The following SLC20A2 variants were observed in gnomAD, a reference collection of about 807,000 sequenced individuals.
SLC20A2 encodes solute carrier family 20 member 2, also known as sodium-dependent phosphate transporter 2.
In SLC20A2, 30 loss-of-function variants were observed where a neutral mutation model predicts 61.0. The observed-to-expected ratio is 0.49, with a 90% CI of 0.37 to 0.67. The LOEUF is 0.67. Ranked by LOEUF, SLC20A2 falls within the 30% of genes least tolerant of loss-of-function variation. The probability of loss-of-function intolerance (pLI) is 0.00; values close to 1 mark genes in which losing one functional copy is unlikely to be tolerated. For synonymous variants in SLC20A2, 351 were observed against 353.3 expected, an observed-to-expected ratio of 0.99 and a Z score of 0.07; for missense variants, 626 against 866.4, an observed-to-expected ratio of 0.72 and a Z score of 3.48.
At chr8:42,490,290 C>T (rs995752577) in intron 1 of SLC20A2, among the ~76,000 whole-genome samples, 48 of 152,242 alleles carry the variant, frequency 3.2e-4, no homozygotes, top group African/African-American at 1.1e-3. Context: ...GCTTTTGAGT[C>T]TTTTCAAGTA....
chr8:42,523,399 CAG>C (rs1811721278), intron 1 of SLC20A2, among the ~76,000 whole-genome samples: 1 of 151,920 alleles, frequency 6.6e-6, no homozygotes, highest in Non-Finnish European at 1.5e-5. Context: ...TGTGAACAAA[CAG>C]AGGCTATTAT....
chr8:42,471,651 T>C (rs1227570983), intron 2 of SLC20A2, among the ~76,000 whole-genome samples: 1 of 152,184 alleles, frequency 6.6e-6, no homozygotes, highest in African/African-American at 2.4e-5. Flanking sequence ...GACTAATAAA[T>C]ATTATTTTTG....
At chr8:42,457,404 C>T (rs984815364) in intron 5 of SLC20A2, among the ~76,000 whole-genome samples, 1 of 152,144 alleles carries the variant, frequency 6.6e-6, no homozygotes, top group African/African-American at 2.4e-5. Context: ...TTTCCTAGAA[C>T]CTAAAGCAGC....
At chr8:42,541,659 C>A (rs973950918) in intron 1 of SLC20A2, 6 of 149,850 alleles carry the variant, frequency 4.0e-5, no homozygotes, top group Non-Finnish European at 8.9e-5. Flanking sequence ...GTAAAGAGCC[C>A]CGGAGCGGAG....
intron 8 of SLC20A2, among the ~76,000 whole-genome samples, chr8:42,433,726 AT>A (rs1804036371): frequency 6.6e-6 from 1 of 152,236 alleles, no homozygotes; most frequent in African/African-American, 2.4e-5. Flanking sequence ...ATTCCAGTGT[AT>A]GCATGGACAT....
intron 1 of SLC20A2, among the ~76,000 whole-genome samples, chr8:42,534,057 T>G (rs189753097): frequency 1.5e-3 from 221 of 152,186 alleles, no homozygotes; most frequent in African/African-American, 5.0e-3. Context: ...GGCTCATGCC[T>G]GTAATCCCAA....
intron 1 of SLC20A2, among the ~76,000 whole-genome samples, chr8:42,522,664 G>C (rs1013587077): frequency 5.4e-5 from 6 of 110,706 alleles, no homozygotes; most frequent in African/African-American, 1.6e-4. Context: ...CTGGGCGACA[G>C]AGCAGGACTC....
At position 42,431,559 on chromosome 8, in the gene SLC20A2, G is replaced by A. The variant is rs183200111; in HGVS notation, c.1524-1310C>T. ...AGAAGATCCATCTAAGATCACTGAT[G>A]AAGGTGGCTACACTAACAATAGATT... On this transcript the variant is annotated intron_variant, in intron 8 of 10. Transcript: ENST00000520262. Among the ~76,000 whole-genome samples the A allele has an allele frequency of 2.1e-3, 314 of 152,336 alleles. 1 individual carries two copies. Among genetic ancestry groups the A allele is most frequent in the African/African-American group, 7.4e-3 (307 of 41,574 alleles).
chr8:42,485,642 CAAAAAAAAAA>C (rs941111189), intron 1 of SLC20A2, among the ~76,000 whole-genome samples: 1 of 27,846 alleles, frequency 3.6e-5, no homozygotes, highest in Non-Finnish European at 6.7e-5. Context: ...AACTCCGTCT[CAAAAAAAAAA>C]AAAAAAAAAA....
intron 1 of SLC20A2, among the ~76,000 whole-genome samples, chr8:42,498,394 T>C (rs1404057718): frequency 6.6e-6 from 1 of 152,232 alleles, no homozygotes; most frequent in Non-Finnish European, 1.5e-5. Flanking sequence ...AGCTGAATGC[T>C]GAAGTATCCT....
In SLC20A2 at chr8:42,476,121, A is replaced by G. The variant is rs1455177076; in HGVS notation, c.-264-3467T>C. 3.1e-5 allele frequency among the ~76,000 whole-genome samples: 4 copies of G among 129,434 alleles called. No individual in the cohort carries two copies. The Admixed American group carries it at 3.4e-4, about 11-fold the overall frequency. The allele number at this position is 129,434 out of a possible 152,430, so 84.9% of individuals were successfully genotyped here. A position where few individuals can be genotyped will look rare whatever the true frequency, so the allele number is the denominator to read the frequency against. ...TTTTTTTTTTTTTTTTTTTGACACG[A>G]AATCTCGCTCTGTCGCCCAGGCTGG... On this transcript the variant is annotated intron_variant, in intron 1 of 10. Transcript: ENST00000520262.
At chr8:42,494,126 T>G (rs1046384880) in intron 1 of SLC20A2, among the ~76,000 whole-genome samples, 1 of 152,140 alleles carries the variant, frequency 6.6e-6, no homozygotes, top group Non-Finnish European at 1.5e-5. Flanking sequence ...TGGATGACAG[T>G]GAGACCCTGT....
At chr8:42,433,332 C>T (rs1351414998) in intron 8 of SLC20A2, among the ~76,000 whole-genome samples, 1 of 151,386 alleles carries the variant, frequency 6.6e-6, no homozygotes, top group Non-Finnish European at 1.5e-5. Context: ...GAGTATTTAT[C>T]TTTTTTTTTG....
chr8:42,437,105 G>T lies in SLC20A2; in HGVS notation c.1407C>A (p.Asp469Glu), dbSNP rs763824699. The change falls in exon 8 of 11, where the codon GAC (aspartate) becomes GAA (glutamate). Residue 469 changes from aspartate to glutamate, a missense_variant. Around this residue, in one of 3 missense-constraint regions of SLC20A2, gnomAD observed 361 missense variants for 422.3 expected, o/e 0.85. Coordinates refer to ENST00000520262, the MANE Select transcript of SLC20A2 (RefSeq NM_001257180.2). This position sits in a 1 kb window ranked among gnomAD's most constrained non-coding sequence, Gnocchi z 6.4. ...ELADPDQPRE[D>E]PAEEEKEEKD... ...TCTCCTCCTTCTCCTCCTCTGCAGG[G>T]TCCTCTCGCGGCTGGTCAGGGTCGG... is the stretch of plus-strand genomic sequence containing the variant. 6.2e-7 allele frequency: 1 copy of T among 1,613,998 alleles called. No individual in the cohort carries two copies. Among genetic ancestry groups the T allele is most frequent in the Non-Finnish European group, 8.5e-7 (1 of 1,179,990 alleles).
chr8:42,502,220 C>T (rs891865890), upstream of SLC20A2: 1 of 151,928 alleles, frequency 6.6e-6, no homozygotes, highest in African/African-American at 2.4e-5. Context: ...ACGACTTCAA[C>T]CAACCCTGGA....
chr8:42,438,075 A>AAAAC (rs1804471041), intron 7 of SLC20A2, among the ~76,000 whole-genome samples: 9 of 144,338 alleles, frequency 6.2e-5, no homozygotes, highest in Non-Finnish European at 1.4e-4. Context: ...AAAAAAAAAA[A>AAAAC]AAAAAAAAAA....
At chr8:42,469,827 C>T (rs1161717389) in intron 2 of SLC20A2, among the ~76,000 whole-genome samples, 3 of 151,480 alleles carry the variant, frequency 2.0e-5, no homozygotes, top group African/African-American at 4.9e-5. Flanking sequence ...ACTTAGGAGG[C>T]TGAGGCAGGA....
chr8:42,477,033 TA>T (rs1808168661), intron 1 of SLC20A2, among the ~76,000 whole-genome samples: 1 of 152,230 alleles, frequency 6.6e-6, no homozygotes, highest in African/African-American at 2.4e-5. Context: ...TGGTGACTGT[TA>T]CCATTCTTAG....
chr8:42,535,604 A>C (rs1339877809), intron 1 of SLC20A2, among the ~76,000 whole-genome samples: 3 of 152,182 alleles, frequency 2.0e-5, no homozygotes, highest in Non-Finnish European at 4.4e-5. Flanking sequence ...GACTTGGTAA[A>C]CTTCTTCCAG....
Sources: allele counts gnomAD v4.1 joint callset (sites outside exome capture counted in the v4.1 genomes callset), GRCh38; gene constraint gnomAD v4.1.1; regional missense constraint gnomAD v4.1.1; non-coding constraint Gnocchi (gnomAD v3.1); transcripts MANE v1.5; gene names NCBI Gene and HGNC (gene_info 2026-07-23, HGNC 2026-07-21).